Variants in GPHN observed in about 807,000 individuals in gnomAD.
GPHN encodes the protein gephyrin.
GPHN carries 17 observed loss-of-function variants against 95.5 expected under a neutral mutation model. The observed-to-expected ratio is 0.18, with a 90% CI of 0.12 to 0.27. The LOEUF is 0.27. Ranked by LOEUF, GPHN falls within the 10% of genes least tolerant of loss-of-function variation. The pLI is 1.00. For missense variants in GPHN, 660 were observed against 978.1 expected (o/e 0.67, Z 4.34); for synonymous variants, 320 against 322.5 (o/e 0.99, Z 0.08).
chr14:67,252,637 T>C, the GPHN span, among the ~76,000 whole-genome samples: 6 of 152,098 alleles, frequency 3.9e-5, 1 homozygote, highest in Admixed American at 3.3e-4. Flanking sequence ...CAGAATGAAA[T>C]TGAATTGTAG....
the GPHN span, among the ~76,000 whole-genome samples, chr14:67,561,329 T>C: frequency 6.6e-6 from 1 of 152,124 alleles, no homozygotes; most frequent in Admixed American, 6.6e-5. Context: ...GGCGGGTGGA[T>C]TGCTCGACAC....
chr14:67,001,723 T>C (rs924793999), intron 9 of GPHN, among the ~76,000 whole-genome samples: 1 of 151,658 alleles, frequency 6.6e-6, no homozygotes, highest in Non-Finnish European at 1.5e-5. Flanking sequence ...CAAAAATAAA[T>C]AAATAAATAA....
the GPHN span, chr14:67,392,834 T>C: frequency 6.2e-7 from 1 of 1,611,778 alleles, no homozygotes; most frequent in South Asian, 1.1e-5. Flanking sequence ...GATGAGCCAG[T>C]CCACCAGGGA....
At chr14:67,293,773 C>A in the GPHN span, among the ~76,000 whole-genome samples, 74 of 152,242 alleles carry the variant, frequency 4.9e-4, no homozygotes, top group Non-Finnish European at 8.1e-4. Context: ...GGTTTCAAAT[C>A]CGGTTGGGAA....
chr14:67,546,826 A>G, the GPHN span, among the ~76,000 whole-genome samples: 1 of 152,198 alleles, frequency 6.6e-6, no homozygotes, highest in Non-Finnish European at 1.5e-5. Flanking sequence ...TGATCACACT[A>G]CACTCCAGCC....
chr14:67,515,235 G>C, the GPHN span: 1 of 152,300 alleles, frequency 6.6e-6, no homozygotes, highest in Non-Finnish European at 1.5e-5. Context: ...CCTGCTCCCC[G>C]CCCCCAAGCC....
chr14:67,661,602 G>C, the GPHN span, among the ~76,000 whole-genome samples: 96 of 145,620 alleles, frequency 6.6e-4, no homozygotes, highest in Non-Finnish European at 1.2e-3. Flanking sequence ...GTGCAACTGT[G>C]GCTAACCACA....
the GPHN span, among the ~76,000 whole-genome samples, chr14:67,464,636 A>G: frequency 6.6e-6 from 1 of 152,164 alleles, no homozygotes; most frequent in African/African-American, 2.4e-5. Context: ...CTGCACCTTC[A>G]CAGGGGGACT....
At chr14:66,836,248 T>C (rs1232373667) in intron 4 of GPHN, among the ~76,000 whole-genome samples, 2 of 133,778 alleles carry the variant, frequency 1.5e-5, no homozygotes, top group East Asian at 4.5e-4. Flanking sequence ...AACAGAGATA[T>C]AGATCAATGG....
At chr14:66,675,606 C>G (rs1216831235) in intron 1 of GPHN, among the ~76,000 whole-genome samples, 1 of 152,046 alleles carries the variant, frequency 6.6e-6, no homozygotes, top group East Asian at 1.9e-4. Flanking sequence ...TCTACAGAAG[C>G]TTTTTAGTTT....
the GPHN span, among the ~76,000 whole-genome samples, chr14:67,444,681 G>T: frequency 2.0e-5 from 3 of 152,338 alleles, no homozygotes; most frequent in African/African-American, 7.2e-5. Flanking sequence ...GACCAAATAC[G>T]TGATTAGAAG....
chr14:67,636,546 A>G, the GPHN span, among the ~76,000 whole-genome samples: 1 of 152,220 alleles, frequency 6.6e-6, no homozygotes, highest in Non-Finnish European at 1.5e-5. Flanking sequence ...CCTGAAATAG[A>G]AGTGCTGTTC....
the GPHN span, chr14:67,225,143 T>C: frequency 2.5e-6 from 4 of 1,585,996 alleles, no homozygotes; most frequent in Non-Finnish European, 3.4e-6. Flanking sequence ...TCAAATCTCC[T>C]TCTAATTTCC....
chr14:67,105,257 G>T (rs1162211256), intron 13 of GPHN, among the ~76,000 whole-genome samples: 1 of 151,798 alleles, frequency 6.6e-6, no homozygotes, highest in Non-Finnish European at 1.5e-5. Flanking sequence ...GCCTAATATG[G>T]TCTATCTGGA....
At chr14:67,310,831 GTCTATCTA>G in the GPHN span, among the ~76,000 whole-genome samples, 8 of 152,006 alleles carry the variant, frequency 5.3e-5, no homozygotes, top group Admixed American at 1.3e-4. Context: ...CCATTTATCT[GTCTATCTA>G]TCTATCTATG....
intron 1 of GPHN, among the ~76,000 whole-genome samples, chr14:66,673,512 A>G (rs1343799781): frequency 6.6e-6 from 1 of 152,256 alleles, no homozygotes; most frequent in Non-Finnish European, 1.5e-5. Flanking sequence ...TCTTCCACGC[A>G]GTGTATGCTT....
At chr14:67,278,218 T>G in the GPHN span, among the ~76,000 whole-genome samples, 1 of 152,024 alleles carries the variant, frequency 6.6e-6, no homozygotes, top group Non-Finnish European at 1.5e-5. Context: ...TGTATTTTTC[T>G]TAGTAGAGAC....
At chr14:67,592,283 A>AG in the GPHN span, 1 of 410,554 alleles carries the variant, frequency 2.4e-6, no homozygotes, top group Non-Finnish European at 4.7e-6. Flanking sequence ...AAAAATAAAA[A>AG]AAAAAAATTA....
intron 1 of GPHN, among the ~76,000 whole-genome samples, chr14:66,569,710 G>A (rs965669002): frequency 7.0e-6 from 1 of 142,236 alleles, no homozygotes; most frequent in Non-Finnish European, 1.5e-5. Context: ...TATATTTATG[G>A]TATACAACAT....
Sources: gnomAD v4.1 joint callset for allele counts (sites outside exome capture counted in the v4.1 genomes callset) on GRCh38, gnomAD v4.1.1 for gene constraint, MANE v1.5 for transcripts, NCBI Gene and HGNC (gene_info 2026-07-23, HGNC 2026-07-21) for gene names.